The following SENP8 variants were observed in gnomAD, a reference collection of about 807,000 sequenced individuals.
SENP8 encodes SUMO peptidase family member, NEDD8 specific, also known as sentrin-specific protease 8.
SENP8 carries 10 observed loss-of-function variants against 14.4 expected under a neutral mutation model. That is an observed-to-expected ratio of 0.69 (90% CI 0.43 to 1.18). The LOEUF (loss-of-function observed/expected upper bound fraction) is 1.18. Ranked by LOEUF, SENP8 falls within the 50% of genes most tolerant of loss-of-function variation. The pLI is 0.00. For missense variants in SENP8, 202 were observed against 249.4 expected (o/e 0.81, Z 1.28); for synonymous variants, 94 against 95.5 (o/e 0.98, Z 0.09).
chr15:72,122,021 T>C (rs1186865268), intron 1 of SENP8, among the ~76,000 whole-genome samples: 1 of 152,230 alleles, frequency 6.6e-6, no homozygotes, highest in East Asian at 1.9e-4. Context: ...TTTCTGACTT[T>C]TAAAAGTCAG....
intron 1 of SENP8, among the ~76,000 whole-genome samples, chr15:72,128,071 C>T (rs1266691251): frequency 6.8e-6 from 1 of 147,270 alleles, no homozygotes; most frequent in Non-Finnish European, 1.5e-5. Context: ...CCATCCTGGG[C>T]AACAGAGTGA....
upstream of SENP8, chr15:72,118,074 G>A (rs532434653): frequency 1.0e-5 from 4 of 394,578 alleles, no homozygotes; most frequent in South Asian, 1.3e-4. Context: ...TATCCGCTTC[G>A]GTCGCGCGCC....
At chr15:72,126,703 T>A (rs2081223903) in intron 1 of SENP8, among the ~76,000 whole-genome samples, 1 of 152,208 alleles carries the variant, frequency 6.6e-6, no homozygotes. Flanking sequence ...GTGGAACACG[T>A]GAACACGCTG....
In SENP8 at chr15:72,141,050, A is replaced by G. The variant is rs1369626960; in HGVS notation, c.*788A>G. On this transcript the variant is annotated 3_prime_UTR_variant, in exon 2 of 2. Coordinates refer to ENST00000340912, the MANE Select transcript of SENP8 (RefSeq NM_145204.4). ...TGCCTTGTCTATTAGCCATGCACAC[A>G]CTTCCTCCTTATATCCAAAGTTCTT... 1.8e-5 allele frequency: 3 copies of G among 165,436 alleles called. No individual in the cohort carries two copies. In the East Asian group the frequency reaches 5.8e-4, roughly 32 times the overall value. 10.2% of individuals were successfully genotyped at this position (165,436 alleles called of 1,614,324 possible).
chr15:72,126,323 A>G (rs566256180), intron 1 of SENP8, among the ~76,000 whole-genome samples: 1 of 152,294 alleles, frequency 6.6e-6, no homozygotes, highest in African/African-American at 2.4e-5. Flanking sequence ...AACATTTTGC[A>G]GATAAAAGAA....
intron 1 of SENP8, among the ~76,000 whole-genome samples, chr15:72,123,004 C>T (rs2081182137): frequency 6.6e-6 from 1 of 152,142 alleles, no homozygotes; most frequent in Non-Finnish European, 1.5e-5. Flanking sequence ...CTCTCAAAGT[C>T]GTGTGATTCA....
At position 72,133,817 on chromosome 15, in the gene SENP8, C is replaced by G. The variant is rs111401533; in HGVS notation, c.-47-5760C>G. Reference sequence around the variant, plus strand: ...CATTCTCACTCTATATTGCCACCCCCTGACACAAAGGAGAACACTCAGTAG... The same window carrying G: ...CATTCTCACTCTATATTGCCACCCCGTGACACAAAGGAGAACACTCAGTAG... On this transcript the variant is annotated intron_variant, in intron 1 of 1. Coordinates refer to ENST00000340912, the MANE Select transcript of SENP8 (RefSeq NM_145204.4). 5.4e-3 allele frequency among the ~76,000 whole-genome samples: 816 copies of G among 152,298 alleles called. 6 individuals carry two copies. Among genetic ancestry groups the G allele is most frequent in the Non-Finnish European group, 8.6e-3 (583 of 68,018 alleles).
chr15:72,139,344 C>A, intron 1 of SENP8: 1 of 390,926 alleles, frequency 2.6e-6, no homozygotes, highest in South Asian at 5.8e-5. Context: ...TCTTCATCCT[C>A]ATCATCATGT....
intron 1 of SENP8, among the ~76,000 whole-genome samples, chr15:72,136,035 A>G (rs779997232): frequency 1.6e-4 from 25 of 152,204 alleles, no homozygotes; most frequent in Non-Finnish European, 2.9e-4. Context: ...AAACTCTTAC[A>G]TCAAGTCACA....
upstream of SENP8, chr15:72,117,625 T>A (rs1596630636): frequency 3.0e-5 from 12 of 394,512 alleles, no homozygotes; most frequent in East Asian, 4.3e-4. Flanking sequence ...ATAGCGAGGC[T>A]GAGACGTGGG....
At chr15:72,118,599 C>G (rs2081097120) in intron 1 of SENP8, 135 bp downstream of exon 1, 1 of 152,304 alleles carries the variant, frequency 6.6e-6, no homozygotes, top group Non-Finnish European at 1.5e-5. Flanking sequence ...GCCCCCGCCC[C>G]TTTTCAAACA....
chr15:72,115,835 T>G (rs1019576821), upstream of SENP8, among the ~76,000 whole-genome samples: 1 of 152,118 alleles, frequency 6.6e-6, no homozygotes, highest in Non-Finnish European at 1.5e-5. Flanking sequence ...CTCACAAAAT[T>G]ATTTAAACAT....
chr15:72,119,290 TTAAA>T (rs1371793418), intron 1 of SENP8, among the ~76,000 whole-genome samples: 1 of 152,172 alleles, frequency 6.6e-6, no homozygotes, highest in South Asian at 2.1e-4. Context: ...AAACTTTTTG[TTAAA>T]TAAAACCAAT....
chr15:72,117,135 G>C (rs2081014028), upstream of SENP8: 1 of 152,308 alleles, frequency 6.6e-6, no homozygotes, highest in Non-Finnish European at 1.5e-5. Flanking sequence ...CTGTGACGGT[G>C]TCTAGAGGGA....
intron 1 of SENP8, among the ~76,000 whole-genome samples, chr15:72,127,761 G>GTGAT (rs571842569): frequency 5.3e-5 from 8 of 152,174 alleles, no homozygotes; most frequent in Non-Finnish European, 8.8e-5. Context: ...GAAAGAAATG[G>GTGAT]TGATAGATTT....
intron 1 of SENP8, among the ~76,000 whole-genome samples, chr15:72,133,563 C>T (rs1228951881): frequency 6.6e-6 from 1 of 152,216 alleles, no homozygotes; most frequent in African/African-American, 2.4e-5. Flanking sequence ...CCTTTTCATC[C>T]TGTTAGCCAG....
upstream of SENP8, among the ~76,000 whole-genome samples, chr15:72,115,151 A>T (rs1567057497): frequency 1.3e-5 from 2 of 152,250 alleles, no homozygotes; most frequent in African/African-American, 2.4e-5. Flanking sequence ...TAAGTTTTTT[A>T]AAGGCACTTA....
upstream of SENP8, among the ~76,000 whole-genome samples, chr15:72,115,259 G>A (rs915354478): frequency 6.6e-6 from 1 of 152,052 alleles, no homozygotes; most frequent in African/African-American, 2.4e-5. Flanking sequence ...GTATGATTTT[G>A]CCTCCAAAAT....
At position 72,132,653 on chromosome 15, in the gene SENP8, CT is replaced by C. The variant is rs975388130; in HGVS notation, c.-47-6903del. ...GAAACCTTCAGACCATTTCATAATT[CT>C]TTTTTTTTTTTTTTTTTTTTAAACA... On this transcript the variant is annotated intron_variant, in intron 1 of 1. Transcript: ENST00000340912. Among the ~76,000 whole-genome samples, 546 of 125,118 alleles carry C rather than the reference CT, an allele frequency of 4.4e-3. 2 individuals are homozygous for C. Among genetic ancestry groups the C allele is most frequent in the African/African-American group, 5.5e-3 (189 of 34,598 alleles). 82.1% of individuals were successfully genotyped at this position (125,118 alleles called of 152,430 possible). A position where few individuals can be genotyped will look rare whatever the true frequency, so the allele number is the denominator to read the frequency against.
Sources: gnomAD v4.1 joint callset for allele counts (sites outside exome capture counted in the v4.1 genomes callset) on GRCh38, gnomAD v4.1.1 for gene constraint, MANE v1.5 for transcripts, NCBI Gene and HGNC (gene_info 2026-07-23, HGNC 2026-07-21) for gene names.